The following ZNF407 variants were observed in gnomAD, a reference collection of about 807,000 sequenced individuals.
ZNF407 encodes the protein zinc finger protein 407.
Under a neutral mutation model 131.2 loss-of-function variants are expected in ZNF407, and 17 were observed. The ratio of observed to expected loss-of-function variants is 0.13; its 90% CI spans 0.09 to 0.19. ZNF407 has a LOEUF of 0.19. Ranked by LOEUF, ZNF407 falls within the 10% of genes least tolerant of loss-of-function variation. The pLI is 1.00. For synonymous variants in ZNF407, 1,156 were observed against 1,062.0 expected (o/e 1.09, Z -1.72); for missense variants, 2,681 against 2,830.6 (o/e 0.95, Z 1.20).
At chr18:74,817,271 G>A (rs1033617483) in intron 4 of ZNF407, among the ~76,000 whole-genome samples, 2 of 152,176 alleles carry the variant, frequency 1.3e-5, no homozygotes, top group Non-Finnish European at 2.9e-5. Flanking sequence ...GTGAGTGTTG[G>A]TGCCTCTTCT....
chr18:74,889,873 A>C, intron 6 of ZNF407, 45 bp from the exon 7 acceptor site: 1 of 1,546,828 alleles, frequency 6.5e-7, no homozygotes, highest in South Asian at 1.2e-5. Flanking sequence ...CTTCATTTCC[A>C]GTTGTTATTA....
intron 8 of ZNF407, among the ~76,000 whole-genome samples, chr18:75,049,438 G>A (rs1327415143): frequency 6.6e-6 from 1 of 152,118 alleles, no homozygotes; most frequent in Non-Finnish European, 1.5e-5. Flanking sequence ...AGGCCCACGC[G>A]TATTCAGCAG....
At chr18:74,876,264 G>T (rs552463104) in intron 4 of ZNF407, among the ~76,000 whole-genome samples, 1 of 152,138 alleles carries the variant, frequency 6.6e-6, no homozygotes, top group Non-Finnish European at 1.5e-5. Context: ...TTGTCAACTC[G>T]TTATAATATT....
At chr18:74,808,496 T>G (rs937530467) in intron 4 of ZNF407, among the ~76,000 whole-genome samples, 1 of 152,208 alleles carries the variant, frequency 6.6e-6, no homozygotes, top group East Asian at 1.9e-4. Context: ...TACTGAGACT[T>G]TAAAATTTTT....
Position 74,781,466 on chromosome 18 carries a change from T to G in ZNF407, c.4841T>G (p.Leu1614Arg). Residue 1614 changes from leucine (L) to arginine (R), a missense_variant, in exon 4 of 9, where the codon CTA becomes CGA. Coordinates refer to ENST00000299687, the MANE Select transcript of ZNF407 (RefSeq NM_017757.3). ...FVMKKHLNTH[L>R]LGKHGVGTPK... ...ATGAAGAAGCACTTAAATACTCATC[T>G]ACTAGGCAAGCATGGAGTTGGCACC... 1 of 1,545,660 alleles carries G rather than the reference T, an allele frequency of 6.5e-7. No individual in the cohort carries two copies. The highest frequency in any genetic ancestry group is 8.7e-7 in the Non-Finnish European group (1 of 1,145,996).
At chr18:75,040,094 T>G (rs955063522) in intron 8 of ZNF407, among the ~76,000 whole-genome samples, 1 of 152,206 alleles carries the variant, frequency 6.6e-6, no homozygotes, top group Non-Finnish European at 1.5e-5. Flanking sequence ...TCACACCATG[T>G]CATTCATTGA....
At chr18:74,791,285 T>G (rs1969820886) in intron 4 of ZNF407, among the ~76,000 whole-genome samples, 1 of 152,230 alleles carries the variant, frequency 6.6e-6, no homozygotes, top group South Asian at 2.1e-4. Flanking sequence ...AACAGTCAAA[T>G]ATTGTTAATT....
chr18:74,809,697 G>T (rs1245426112), intron 4 of ZNF407, among the ~76,000 whole-genome samples: 2 of 152,190 alleles, frequency 1.3e-5, no homozygotes, highest in African/African-American at 4.8e-5. Flanking sequence ...TCTAGATCAG[G>T]AATTGGTAAT....
chr18:74,628,489 A>T (rs1196190746), intron 1 of ZNF407, among the ~76,000 whole-genome samples: 1 of 152,220 alleles, frequency 6.6e-6, no homozygotes, highest in East Asian at 1.9e-4. Flanking sequence ...TTTCATATAA[A>T]AAGGAACCAT....
intron 2 of ZNF407, among the ~76,000 whole-genome samples, chr18:74,637,638 G>A (rs547164411): frequency 6.6e-6 from 1 of 152,186 alleles, no homozygotes; most frequent in South Asian, 2.1e-4. Flanking sequence ...TTTTGGGGAA[G>A]TTGGTCTCCA....
At chr18:74,875,989 A>C (rs950161378) in intron 4 of ZNF407, among the ~76,000 whole-genome samples, 8 of 152,188 alleles carry the variant, frequency 5.3e-5, no homozygotes, top group African/African-American at 1.9e-4. Context: ...CGAGTGATGA[A>C]TTTGTTAAGG....
chr18:75,062,077 C>T (rs1482252692), intron 8 of ZNF407: 3 of 152,248 alleles, frequency 2.0e-5, no homozygotes, highest in African/African-American at 7.2e-5. Flanking sequence ...ACCTATTCTC[C>T]TAACAGCCCG....
At chr18:74,700,140 T>C (rs1967456881) in intron 3 of ZNF407, among the ~76,000 whole-genome samples, 1 of 152,244 alleles carries the variant, frequency 6.6e-6, no homozygotes, top group African/African-American at 2.4e-5. Context: ...ATGGAAAATA[T>C]TTTGTTCTAC....
chr18:74,942,145 A>T (rs181859468), intron 8 of ZNF407, among the ~76,000 whole-genome samples: 24 of 152,272 alleles, frequency 1.6e-4, no homozygotes, highest in Admixed American at 1.4e-3. Flanking sequence ...TATTAATATA[A>T]ACTAGAGGAA....
At chr18:74,920,893 CA>C (rs34241741) in intron 8 of ZNF407, 1 of 1,235,678 alleles carries the variant, frequency 8.1e-7, no homozygotes. Context: ...TGTATTTTAT[CA>C]AAAAAGGAAA....
chr18:74,790,098 T>G (rs1969798272), intron 4 of ZNF407, among the ~76,000 whole-genome samples: 1 of 152,058 alleles, frequency 6.6e-6, no homozygotes, highest in African/African-American at 2.4e-5. Flanking sequence ...AATATATGGT[T>G]AGATTAGAAC....
chr18:74,758,268 T>G (rs1045367741), intron 3 of ZNF407, among the ~76,000 whole-genome samples: 1 of 152,186 alleles, frequency 6.6e-6, no homozygotes, highest in African/African-American at 2.4e-5. Flanking sequence ...CTTATTTATA[T>G]TTTTACTTCC....
intron 8 of ZNF407, among the ~76,000 whole-genome samples, chr18:74,976,329 C>G (rs1329589518): frequency 6.6e-6 from 1 of 152,110 alleles, no homozygotes; most frequent in African/African-American, 2.4e-5. Flanking sequence ...TGCCCCTTTT[C>G]CAGTTCATCT....
chr18:75,042,531 C>T (rs567712376), intron 8 of ZNF407, among the ~76,000 whole-genome samples: 3 of 152,210 alleles, frequency 2.0e-5, no homozygotes, highest in East Asian at 1.9e-4. Context: ...GCATTTTTGA[C>T]AGGAAATGAT....
Sources: gnomAD v4.1 joint callset for allele counts (sites outside exome capture counted in the v4.1 genomes callset) on GRCh38, gnomAD v4.1.1 for gene constraint, MANE v1.5 for transcripts, NCBI Gene and HGNC (gene_info 2026-07-23, HGNC 2026-07-21) for gene names.